MSI2: variants seen among roughly 807,000 people sequenced by gnomAD.
The protein encoded by MSI2 is musashi RNA binding protein 2.
Under a neutral mutation model 45.6 loss-of-function variants are expected in MSI2, and 17 were observed. That is an observed-to-expected ratio of 0.37 (90% CI 0.26 to 0.56). The LOEUF is 0.56. Among genes scored for constraint, MSI2 ranks in the 20% least tolerant of loss-of-function variants. MSI2 has a pLI of 0.77. For missense variants in MSI2, 293 were observed against 444.2 expected (o/e 0.66, Z 3.06); for synonymous variants, 156 against 158.2 (o/e 0.99, Z 0.11).
At chr17:57,326,501 T>C (rs1913805110) in intron 5 of MSI2, among the ~76,000 whole-genome samples, 1 of 152,240 alleles carries the variant, frequency 6.6e-6, no homozygotes, top group Non-Finnish European at 1.5e-5. Context: ...CTCTTCCTAC[T>C]AAACTGTAGG....
chr17:57,333,941 C>T (rs946027886), intron 5 of MSI2, among the ~76,000 whole-genome samples: 3 of 152,142 alleles, frequency 2.0e-5, no homozygotes, highest in African/African-American at 7.2e-5. Context: ...GAGGGCTTTA[C>T]CCCAGTTTGT....
rs1407464179 is a variant in MSI2 at position 57,529,622 on chromosome 17, T to C, written c.406-54T>C. 2 of 1,544,094 alleles carry C rather than the reference T, an allele frequency of 1.3e-6. No individual in the cohort carries two copies. Among genetic ancestry groups the C allele is most frequent in the Non-Finnish European group, 1.8e-6 (2 of 1,117,502 alleles). On this transcript the variant is annotated intron_variant, in intron 6 of 13. Transcript: ENST00000284073. The surrounding 1 kb of genome is among the most constrained non-coding windows in gnomAD (Gnocchi z 5.3). The stretch of plus-strand genomic sequence containing the variant: ...ACCCCCCGACATGCATATAATGTTT[T>C]GTGTACTTTCTTAAAATTCCTAAGG...
At chr17:57,588,219 TCA>T (rs1904497516) in intron 7 of MSI2, among the ~76,000 whole-genome samples, 1 of 152,168 alleles carries the variant, frequency 6.6e-6, no homozygotes, top group Admixed American at 6.5e-5. Flanking sequence ...GAGGGCAGTC[TCA>T]AGTATCTGCC....
rs1192326860 is a variant in MSI2 at position 57,529,598 on chromosome 17, C to A, written c.406-78C>A. 7.5e-7 allele frequency: 1 copy of A among 1,325,752 alleles called. No individual in the cohort carries two copies. 82.1% of individuals were successfully genotyped at this position (1,325,752 alleles called of 1,614,324 possible). A position where few individuals can be genotyped will look rare whatever the true frequency, so the allele number is the denominator to read the frequency against. ...TTCTGTAATGGAAACTACCCCCTCACCCCCCGACATGCATATAATGTTTTG... is the reference window on the plus strand; with the variant it reads ...TTCTGTAATGGAAACTACCCCCTCAACCCCCGACATGCATATAATGTTTTG... On this transcript the variant is annotated intron_variant, in intron 6 of 13. Coordinates refer to ENST00000284073, the MANE Select transcript of MSI2 (RefSeq NM_138962.4). The surrounding 1 kb of genome is among the most constrained non-coding windows in gnomAD (Gnocchi z 5.3).
At position 57,366,693 on chromosome 17, in the gene MSI2, A is replaced by G. The variant is rs151111651; in HGVS notation, c.313-34686A>G. ...GACAGCCAAGGAACAGATCATATTTACTTATTTGTTTGTTTATTTCTAACG... is the reference window on the plus strand; with the variant it reads ...GACAGCCAAGGAACAGATCATATTTGCTTATTTGTTTGTTTATTTCTAACG... On this transcript the variant is annotated intron_variant, in intron 5 of 13. Coordinates refer to ENST00000284073, the MANE Select transcript of MSI2 (RefSeq NM_138962.4). Among the ~76,000 whole-genome samples the G allele has an allele frequency of 2.3e-3, 350 of 152,284 alleles. 3 individuals carry two copies. Among genetic ancestry groups the G allele is most frequent in the African/African-American group, 7.7e-3 (321 of 41,566 alleles).
At chr17:57,285,391 A>C (rs1175522213) in intron 5 of MSI2, among the ~76,000 whole-genome samples, 1 of 152,236 alleles carries the variant, frequency 6.6e-6, no homozygotes, top group Admixed American at 6.5e-5. Context: ...GGAAGTTTGC[A>C]GAGGGCCCTT....
At chr17:57,676,087 C>G (rs530969934) in intron 12 of MSI2, among the ~76,000 whole-genome samples, 1 of 152,206 alleles carries the variant, frequency 6.6e-6, no homozygotes, top group African/African-American at 2.4e-5. Context: ...TGTCAGACTC[C>G]GCTTCTGAGT....
At chr17:57,340,806 C>T (rs1173963907) in intron 5 of MSI2, among the ~76,000 whole-genome samples, 3 of 152,196 alleles carry the variant, frequency 2.0e-5, no homozygotes, top group Admixed American at 6.5e-5. Context: ...CTGCCGATTT[C>T]CAGCGTGCCA....
At chr17:57,478,441 G>A (rs1364141859) in intron 6 of MSI2, among the ~76,000 whole-genome samples, 1 of 152,132 alleles carries the variant, frequency 6.6e-6, no homozygotes, top group Non-Finnish European at 1.5e-5. Flanking sequence ...AAGCCTTTAG[G>A]ATGCACTGCC....
intron 7 of MSI2, among the ~76,000 whole-genome samples, chr17:57,558,998 G>A (rs1309717624): frequency 6.6e-6 from 1 of 152,136 alleles, no homozygotes; most frequent in Non-Finnish European, 1.5e-5. Flanking sequence ...GGAGGCGGAG[G>A]TTGCAGTGAG....
At chr17:57,311,591 C>A (rs2143608816) in intron 5 of MSI2, among the ~76,000 whole-genome samples, 1 of 152,278 alleles carries the variant, frequency 6.6e-6, no homozygotes, top group Non-Finnish European at 1.5e-5. Flanking sequence ...TGTTCTCTTG[C>A]CCAGGCTGGA....
intron 10 of MSI2, chr17:57,632,843 A>G: frequency 1.9e-6 from 2 of 1,064,572 alleles, no homozygotes; most frequent in Non-Finnish European, 2.3e-6. Context: ...TTTGAATGTC[A>G]TTGTCCTTGA....
chr17:57,598,016 G>A (rs940479535), intron 8 of MSI2, among the ~76,000 whole-genome samples: 12 of 151,702 alleles, frequency 7.9e-5, no homozygotes, highest in African/African-American at 2.4e-4. Flanking sequence ...ACCAGAGGGT[G>A]CCATATCATG....
chr17:57,480,522 A>G (rs147772066), intron 6 of MSI2, among the ~76,000 whole-genome samples: 4 of 152,340 alleles, frequency 2.6e-5, no homozygotes, highest in African/African-American at 9.6e-5. Flanking sequence ...TGTCACCTTC[A>G]TCAGAGTATC....
intron 6 of MSI2, among the ~76,000 whole-genome samples, chr17:57,444,246 A>C (rs1305633384): frequency 6.6e-6 from 1 of 152,164 alleles, no homozygotes; most frequent in African/African-American, 2.4e-5. Context: ...CACCGTCAGC[A>C]GCCTTAGGAG....
intron 7 of MSI2, among the ~76,000 whole-genome samples, chr17:57,555,586 GC>G (rs1047001522): frequency 6.6e-6 from 1 of 151,780 alleles, no homozygotes; most frequent in African/African-American, 2.4e-5. Flanking sequence ...TCAGATGGGT[GC>G]CCCTTCCTCC....
chr17:57,562,362 G>A (rs1194718876), intron 7 of MSI2, among the ~76,000 whole-genome samples: 1 of 152,242 alleles, frequency 6.6e-6, no homozygotes, highest in Non-Finnish European at 1.5e-5. Context: ...ATACACAGAG[G>A]AAGCATTCTT....
chr17:57,296,790 A>G (rs964702181), intron 5 of MSI2, among the ~76,000 whole-genome samples: 1 of 152,198 alleles, frequency 6.6e-6, no homozygotes, highest in Non-Finnish European at 1.5e-5. Context: ...AGAGATGAAC[A>G]TTAGGAAAAG....
At chr17:57,371,650 A>C (rs1462878887) in intron 5 of MSI2, among the ~76,000 whole-genome samples, 1 of 151,878 alleles carries the variant, frequency 6.6e-6, no homozygotes, top group Non-Finnish European at 1.5e-5. Flanking sequence ...TTTATTGTCT[A>C]TGTGGTGTTG....
Sources: gnomAD v4.1 joint callset for allele counts (sites outside exome capture counted in the v4.1 genomes callset) on GRCh38, gnomAD v4.1.1 for gene constraint, Gnocchi (gnomAD v3.1) non-coding constraint, MANE v1.5 for transcripts, NCBI Gene and HGNC (gene_info 2026-07-23, HGNC 2026-07-21) for gene names.